The following SMARCA2 variants were observed in gnomAD, a reference collection of about 807,000 sequenced individuals.
SMARCA2 encodes SWI/SNF-related matrix-associated actin-dependent regulator of chromatin subfamily A member 2.
A neutral mutation model predicts 199.8 loss-of-function variants in SMARCA2; 61 were observed. The ratio of observed to expected loss-of-function variants is 0.31; its 90% CI spans 0.25 to 0.38. SMARCA2 has a LOEUF of 0.38. SMARCA2 is among the 10% of genes least tolerant of loss of function. The probability of loss-of-function intolerance (pLI) is 1.00; values close to 1 mark genes in which losing one functional copy is unlikely to be tolerated. For synonymous variants in SMARCA2, 935 were observed against 732.0 expected, an observed-to-expected ratio of 1.28 and a Z score of -4.48; for missense variants, 1,344 against 2,012.2, an observed-to-expected ratio of 0.67 and a Z score of 6.35.
intron 3 of SMARCA2, among the ~76,000 whole-genome samples, chr9:2,038,004 C>T (rs1007317604): frequency 1.3e-5 from 2 of 152,144 alleles, no homozygotes; most frequent in Admixed American, 1.3e-4. Flanking sequence ...TTTTCTTCCC[C>T]AGAAAAGTGT....
At chr9:2,033,128 T>G in intron 3 of SMARCA2, 47 bp downstream of exon 3, 1 of 1,596,744 alleles carries the variant, frequency 6.3e-7, no homozygotes. Flanking sequence ...GCATAGTCTT[T>G]CAGTCTTTCC....
rs775654167 is a variant in SMARCA2, at chr9:2,039,835, A to AGCC, written c.731_733dup (p.Pro244dup). On this transcript the variant is annotated inframe_insertion, in exon 4 of 34. Transcript: ENST00000349721. This position sits in a 1 kb window ranked among gnomAD's most constrained non-coding sequence, Gnocchi z 4.8. ...CAGCAGCAACAGCAGCCGCAGCAGC[A>AGCC]GCCGCCGCAACCACAGACGCAGCAA... 4 of 1,611,598 alleles carry AGCC rather than the reference A, an allele frequency of 2.5e-6. No homozygotes were observed. In the African/African-American group the frequency reaches 4.0e-5, roughly 16 times the overall value.
rs559796894 is a variant in SMARCA2, at chr9:2,185,065, A to C, written c.4462-1031A>C. Among the ~76,000 whole-genome samples, 3 of 152,298 alleles carry C rather than the reference A, an allele frequency of 2.0e-5. 1 individual carries two copies. In the South Asian group the frequency reaches 6.2e-4, roughly 32 times the overall value. On this transcript the variant is annotated intron_variant, in intron 31 of 33. Transcript: ENST00000349721. ...TAAGAGACATAACAAAATTTATCAT[A>C]ATTTTTCAGTATACAGTTCAGTAGT... is the stretch of plus-strand genomic sequence containing the variant.
At chr9:2,061,122 A>T (rs1820573433) in intron 9 of SMARCA2, 136 bp downstream of exon 9, 2 of 820,338 alleles carry the variant, frequency 2.4e-6, no homozygotes, top group Non-Finnish European at 3.7e-6. Flanking sequence ...AATTGCATAA[A>T]TGGGTATGGC....
At chr9:2,109,737 G>C (rs1372560972) in intron 23 of SMARCA2, among the ~76,000 whole-genome samples, 1 of 152,114 alleles carries the variant, frequency 6.6e-6, no homozygotes, top group Non-Finnish European at 1.5e-5. Flanking sequence ...TTACCAACCA[G>C]ACCATACTTA....
Position 2,169,560 on chromosome 9 carries a change from C to T in SMARCA2, c.4200-859C>T, listed in dbSNP as rs1052313340. Among the ~76,000 whole-genome samples the T allele has an allele frequency of 1.3e-5, 2 of 152,148 alleles. No homozygotes were observed. Among genetic ancestry groups the T allele is most frequent in the Non-Finnish European group, 1.5e-5 (1 of 68,034 alleles). The stretch of plus-strand genomic sequence containing the variant: ...TTTATGCTTTTCCCTCTCTGCAACA[C>T]CCCGACCCCACACTGACTCTAGAGC... On this transcript the variant is annotated intron_variant, in intron 28 of 33. Coordinates refer to ENST00000349721, the MANE Select transcript of SMARCA2 (RefSeq NM_003070.5). The surrounding 1 kb of genome is among the most constrained non-coding windows in gnomAD (Gnocchi z 6.5).
chr9:2,188,919 T>C (rs1431386496), intron 32 of SMARCA2, among the ~76,000 whole-genome samples: 1 of 152,212 alleles, frequency 6.6e-6, no homozygotes, highest in Non-Finnish European at 1.5e-5. Context: ...GTTCTTTGGC[T>C]CATTGCCTCC....
intron 24 of SMARCA2, among the ~76,000 whole-genome samples, chr9:2,112,954 G>A (rs944875674): frequency 1.3e-5 from 2 of 152,098 alleles, no homozygotes; most frequent in African/African-American, 4.8e-5. Flanking sequence ...CACCCCACCA[G>A]GATCATTCAC....
rs1335362891 is a variant in SMARCA2 at position 2,161,527 on chromosome 9, T to C, written c.3982-159T>C. 6.6e-6 allele frequency among the ~76,000 whole-genome samples: 1 copy of C among 152,252 alleles called. No individual in the cohort carries two copies. The highest frequency in any genetic ancestry group is 6.5e-5 in the Admixed American group (1 of 15,284). On this transcript the variant is annotated intron_variant, in intron 27 of 33. Coordinates refer to ENST00000349721, the MANE Select transcript of SMARCA2 (RefSeq NM_003070.5). This position sits in a 1 kb window ranked among gnomAD's most constrained non-coding sequence, Gnocchi z 4.7. ...TATCCAATATGGTAGCATTCCTTTT[T>C]TCTTCTTCCTCCACTGATTACTGTT...
Position 2,110,046 on chromosome 9 carries a change from A to G in SMARCA2, c.3293-208A>G, listed in dbSNP as rs2130578005. On this transcript the variant is annotated intron_variant, in intron 23 of 33. Coordinates refer to ENST00000349721, the MANE Select transcript of SMARCA2 (RefSeq NM_003070.5). The surrounding 1 kb of genome is among the most constrained non-coding windows in gnomAD (Gnocchi z 4.8). Reference sequence around the variant, plus strand: ...TGTGAAGTTGCGAAGATGCCTCATTAGAAATGTTTAAGCTGTTTCTTTCTT... The same window carrying G: ...TGTGAAGTTGCGAAGATGCCTCATTGGAAATGTTTAAGCTGTTTCTTTCTT... 6.6e-6 allele frequency among the ~76,000 whole-genome samples: 1 copy of G among 152,378 alleles called. No individual in the cohort carries two copies. The highest frequency in any genetic ancestry group is 2.1e-4 in the South Asian group (1 of 4,834).
Position 2,056,605 on chromosome 9 carries a change from A to T in SMARCA2, c.1174-67A>T, listed in dbSNP as rs984888079. On this transcript the variant is annotated intron_variant, in intron 6 of 33. Coordinates refer to ENST00000349721, the MANE Select transcript of SMARCA2 (RefSeq NM_003070.5). The surrounding 1 kb of genome is among the most constrained non-coding windows in gnomAD (Gnocchi z 4.0). ...CTCTATTCCATTAAATGCAACCGCGAGAAGGCCAGAGTTCAGGAACCTAGC... is the reference window on the plus strand; with the variant it reads ...CTCTATTCCATTAAATGCAACCGCGTGAAGGCCAGAGTTCAGGAACCTAGC... 2.7e-6 allele frequency: 4 copies of T among 1,454,718 alleles called. No individual in the cohort carries two copies. The highest frequency in any genetic ancestry group is 3.7e-6 in the Non-Finnish European group (4 of 1,073,890). The allele number at this position is 1,454,718 out of a possible 1,614,324, so 90.1% of individuals were successfully genotyped here. A position where few individuals can be genotyped will look rare whatever the true frequency, so the allele number is the denominator to read the frequency against.
At chr9:2,069,720 T>A (rs551064281) in intron 9 of SMARCA2, among the ~76,000 whole-genome samples, 75 of 152,322 alleles carry the variant, frequency 4.9e-4, no homozygotes, top group African/African-American at 1.7e-3. Context: ...TATATTATGT[T>A]TTTATGCCCA....
At chr9:2,025,296 G>T (rs1027290399) in intron 1 of SMARCA2, among the ~76,000 whole-genome samples, 7 of 152,066 alleles carry the variant, frequency 4.6e-5, no homozygotes, top group African/African-American at 1.7e-4. Flanking sequence ...CTGGGGGAGG[G>T]TGGGGACCAG....
At chr9:2,033,995 C>T (rs1819197542) in intron 3 of SMARCA2, among the ~76,000 whole-genome samples, 1 of 152,064 alleles carries the variant, frequency 6.6e-6, no homozygotes, top group Non-Finnish European at 1.5e-5. Flanking sequence ...GCCTGTAATC[C>T]CAGCGCTTTG....
intron 14 of SMARCA2, among the ~76,000 whole-genome samples, chr9:2,081,087 C>T (rs1341448894): frequency 6.6e-6 from 1 of 152,132 alleles, no homozygotes; most frequent in Non-Finnish European, 1.5e-5. Context: ...TATAATTGAT[C>T]CTATCATTTA....
At chr9:2,084,370 C>CTGTGTGTGTGTGTGTGTG (rs3057851) in intron 17 of SMARCA2, among the ~76,000 whole-genome samples, 174 bp downstream of exon 17, 1 of 132,338 alleles carries the variant, frequency 7.6e-6, no homozygotes, top group African/African-American at 2.9e-5. Context: ...TTCATGCATG[C>CTGTGTGTGTGTGTGTGTG]TGTGTGTGTG....
intron 27 of SMARCA2, among the ~76,000 whole-genome samples, chr9:2,136,970 T>G (rs1361248802): frequency 9.2e-5 from 14 of 152,296 alleles, no homozygotes; most frequent in Non-Finnish European, 1.5e-5. Flanking sequence ...CACTGCCTCT[T>G]TGGCCAAGCA....
chr9:2,101,045 G>A (rs1822490619), intron 21 of SMARCA2, among the ~76,000 whole-genome samples: 2 of 152,032 alleles, frequency 1.3e-5, no homozygotes, highest in Non-Finnish European at 2.9e-5. Context: ...ACGGCATGAG[G>A]GAAACCTTCC....
At chr9:2,065,771 A>G (rs1235271267) in intron 9 of SMARCA2, among the ~76,000 whole-genome samples, 1 of 152,146 alleles carries the variant, frequency 6.6e-6, no homozygotes, top group Non-Finnish European at 1.5e-5. Flanking sequence ...CAGGATTTTC[A>G]TAGATGAAAG....
Sources: gnomAD v4.1 joint callset for allele counts (sites outside exome capture counted in the v4.1 genomes callset) on GRCh38, gnomAD v4.1.1 for gene constraint, Gnocchi (gnomAD v3.1) non-coding constraint, MANE v1.5 for transcripts, NCBI Gene and HGNC (gene_info 2026-07-23, HGNC 2026-07-21) for gene names.